The following PTPRD variants were observed in gnomAD, a reference collection of about 807,000 sequenced individuals.
PTPRD encodes the protein protein tyrosine phosphatase receptor type D, also known as receptor-type tyrosine-protein phosphatase delta.
A neutral mutation model predicts 214.5 loss-of-function variants in PTPRD; 34 were observed. The ratio of observed to expected loss-of-function variants is 0.16; its 90% CI spans 0.12 to 0.21. The LOEUF is 0.21. Ranked by LOEUF, PTPRD falls within the 10% of genes least tolerant of loss-of-function variation. PTPRD has a pLI of 1.00. For synonymous variants in PTPRD, 1,128 were observed against 845.7 expected (o/e 1.33, Z -5.79); for missense variants, 2,545 against 2,398.7 (o/e 1.06, Z -1.27).
chr9:8,668,822 C>G (rs1369833019), intron 12 of PTPRD, among the ~76,000 whole-genome samples: 1 of 152,032 alleles, frequency 6.6e-6, no homozygotes, highest in Non-Finnish European at 1.5e-5. Context: ...AAATTGAGAA[C>G]AAAAAGTGCA....
intron 2 of PTPRD, among the ~76,000 whole-genome samples, chr9:10,443,806 C>G (rs950632291): frequency 6.6e-6 from 1 of 150,652 alleles, no homozygotes; most frequent in Non-Finnish European, 1.5e-5. Flanking sequence ...AAAAAAAAAG[C>G]TAATAATTTA....
chr9:9,916,487 T>C (rs2080846458), intron 5 of PTPRD, among the ~76,000 whole-genome samples: 1 of 151,998 alleles, frequency 6.6e-6, no homozygotes, highest in Non-Finnish European at 1.5e-5. Context: ...ATTTAAAAGA[T>C]ATAAATTGGT....
rs760468067 is a variant in PTPRD at position 9,658,103 on chromosome 9, TA to T, written c.-287+76429del. ...CTTCTATGTATTACAGGTGCTGTTTTATTTTTTTTATTTAATGAGAGTAATG... is the reference window on the plus strand; with the variant it reads ...CTTCTATGTATTACAGGTGCTGTTTTTTTTTTTTATTTAATGAGAGTAATG... On this transcript the variant is annotated intron_variant, in intron 7 of 45. Transcript: ENST00000381196. 1.1e-4 allele frequency among the ~76,000 whole-genome samples: 16 copies of T among 152,182 alleles called. 1 individual carries two copies. In the East Asian group the frequency reaches 1.7e-3, roughly 16 times the overall value.
chr9:9,704,314 G>T (rs555454632), intron 7 of PTPRD, among the ~76,000 whole-genome samples: 1 of 151,594 alleles, frequency 6.6e-6, no homozygotes, highest in East Asian at 1.9e-4. Context: ...AAAAATTGTA[G>T]CCCTTTACGT....
intron 8 of PTPRD, among the ~76,000 whole-genome samples, chr9:9,481,109 A>T (rs2095393225): frequency 6.6e-6 from 1 of 152,064 alleles, no homozygotes; most frequent in Admixed American, 6.6e-5. Flanking sequence ...TGATGGTGAT[A>T]ATGATGATGA....
intron 11 of PTPRD, among the ~76,000 whole-genome samples, chr9:8,991,856 A>G (rs1372565713): frequency 6.6e-6 from 1 of 152,094 alleles, no homozygotes; most frequent in African/African-American, 2.4e-5. Context: ...ATGTCCCTCA[A>G]TGCCTAATTT....
At chr9:9,010,465 T>C (rs576749373) in intron 11 of PTPRD, among the ~76,000 whole-genome samples, 2 of 152,326 alleles carry the variant, frequency 1.3e-5, no homozygotes, top group Non-Finnish European at 2.9e-5. Context: ...GGCTTCTTGT[T>C]AGTTCAGGTA....
intron 8 of PTPRD, among the ~76,000 whole-genome samples, chr9:9,476,237 C>G (rs549778370): frequency 1.1e-4 from 16 of 152,242 alleles, no homozygotes; most frequent in African/African-American, 3.8e-4. Context: ...TAAACTCCTG[C>G]CATATATATT....
rs185956219 is a variant in PTPRD, at chr9:9,460,746, C to T, written c.-236-63264G>A. On this transcript the variant is annotated intron_variant, in intron 8 of 45. Coordinates refer to ENST00000381196, the MANE Select transcript of PTPRD (RefSeq NM_002839.4). ...TGGGAATGGAAATTAGTTCAACCCC[C>T]TATGGAAAACAATATGGATGATTCT... is the stretch of plus-strand genomic sequence containing the variant. Among the ~76,000 whole-genome samples, 662 of 152,000 alleles carry T rather than the reference C, an allele frequency of 4.4e-3. 1 individual carries two copies. Among genetic ancestry groups the T allele is most frequent in the African/African-American group, 0.014 (591 of 41,508 alleles).
At chr9:9,234,433 C>A (rs968528646) in intron 9 of PTPRD, among the ~76,000 whole-genome samples, 3 of 152,150 alleles carry the variant, frequency 2.0e-5, no homozygotes, top group Non-Finnish European at 4.4e-5. Flanking sequence ...CTTTAACATG[C>A]CCTGGAGACA....
intron 7 of PTPRD, among the ~76,000 whole-genome samples, chr9:9,647,232 TG>T (rs1305244908): frequency 5.3e-5 from 8 of 152,198 alleles, no homozygotes; most frequent in Non-Finnish European, 8.8e-5. Flanking sequence ...CAGTTGTTTT[TG>T]TAGCCTCTTA....
chr9:8,937,083 T>TA (rs1306669227), intron 11 of PTPRD, among the ~76,000 whole-genome samples: 1 of 9,576 alleles, frequency 1.0e-4, no homozygotes, highest in Non-Finnish European at 7.1e-3. Flanking sequence ...ATAGAAATGG[T>TA]AGTTTTTTTA....
intron 3 of PTPRD, among the ~76,000 whole-genome samples, chr9:10,130,768 T>C (rs1483569597): frequency 6.6e-6 from 1 of 151,998 alleles, no homozygotes; most frequent in Non-Finnish European, 1.5e-5. Flanking sequence ...AAAAATAAGC[T>C]GGAACTATAG....
intron 5 of PTPRD, among the ~76,000 whole-genome samples, chr9:9,783,058 G>C (rs1008360294): frequency 6.6e-6 from 1 of 151,956 alleles, no homozygotes; most frequent in Non-Finnish European, 1.5e-5. Flanking sequence ...TAATTATCTT[G>C]TTTAAATTCT....
In PTPRD at chr9:9,279,068, T is replaced by G. The variant is rs1200539364; in HGVS notation, c.-202-95705A>C. ...GGGATATATCATATCAATAGTTACC[T>G]AAGAAAGTAATGTTTAATAAAAAAG... On this transcript the variant is annotated intron_variant, in intron 9 of 45. Coordinates refer to ENST00000381196, the MANE Select transcript of PTPRD (RefSeq NM_002839.4). Among the ~76,000 whole-genome samples, 7 of 151,108 alleles carry G rather than the reference T, an allele frequency of 4.6e-5. No homozygotes were observed. The Admixed American group carries it at 4.6e-4, about 10-fold the overall frequency.
At chr9:9,951,964 T>C (rs1018949185) in intron 4 of PTPRD, among the ~76,000 whole-genome samples, 2 of 152,176 alleles carry the variant, frequency 1.3e-5, no homozygotes, top group Non-Finnish European at 2.9e-5. Context: ...CAAATATATA[T>C]GTTGGAATCA....
chr9:9,304,560 T>C (rs1956504004), intron 9 of PTPRD, among the ~76,000 whole-genome samples: 1 of 152,002 alleles, frequency 6.6e-6, no homozygotes, highest in African/African-American at 2.4e-5. Flanking sequence ...CAGGTCTTAT[T>C]GGTGGGCAGG....
intron 44 of PTPRD, among the ~76,000 whole-genome samples, chr9:8,325,215 G>A (rs557266135): frequency 8.1e-5 from 12 of 148,846 alleles, no homozygotes; most frequent in Non-Finnish European, 1.6e-4. Flanking sequence ...TTCTTCTAGG[G>A]GTTTTCATCA....
At chr9:8,681,284 C>T (rs747569065) in intron 12 of PTPRD, among the ~76,000 whole-genome samples, 8 of 152,010 alleles carry the variant, frequency 5.3e-5, no homozygotes, top group Non-Finnish European at 1.2e-4. Context: ...ATTTTATTTA[C>T]ATGTTTGTTT....
Sources: allele counts gnomAD v4.1 joint callset (sites outside exome capture counted in the v4.1 genomes callset), GRCh38; gene constraint gnomAD v4.1.1; transcripts MANE v1.5; gene names NCBI Gene and HGNC (gene_info 2026-07-23, HGNC 2026-07-21).